The following ZNF738 variants were observed in gnomAD, a reference collection of about 807,000 sequenced individuals.
ZNF738 encodes protein ZNF738.
In ZNF738, 10 loss-of-function variants were observed where a neutral mutation model predicts 9.2. That is an observed-to-expected ratio of 1.09 (90% CI 0.67 to 1.85). The LOEUF is 1.85. Among genes scored for constraint, ZNF738 ranks in the 40% most tolerant of loss-of-function variants. The pLI, the probability that ZNF738 is intolerant of heterozygous loss-of-function variation, is 0.00. For missense variants in ZNF738, 346 were observed against 283.6 expected, an observed-to-expected ratio of 1.22 and a Z score of -1.58; for synonymous variants, 113 against 94.5, an observed-to-expected ratio of 1.20 and a Z score of -1.14.
chr19:21,366,599 C>T (rs1332606261), intron 2 of ZNF738, among the ~76,000 whole-genome samples: 2 of 152,038 alleles, frequency 1.3e-5, no homozygotes, highest in African/African-American at 2.4e-5. Flanking sequence ...GAATTCAGGG[C>T]AAGTCATAAA....
intron 4 of ZNF738, among the ~76,000 whole-genome samples, chr19:21,379,833 G>A (rs1407345317): frequency 2.0e-5 from 3 of 151,922 alleles, no homozygotes; most frequent in Non-Finnish European, 2.9e-5. Context: ...TAAAACTACC[G>A]CTCTAGGTTT....
At chr19:21,369,875 AT>A (rs1973834983) in intron 2 of ZNF738, among the ~76,000 whole-genome samples, 1 of 150,040 alleles carries the variant, frequency 6.7e-6, no homozygotes, top group Non-Finnish European at 1.5e-5. Flanking sequence ...GTGCTATGGC[AT>A]GATCTCAGCT....
rs1599717260 is a variant in ZNF738 at position 21,375,818 on chromosome 19, G to A, written c.224-51G>A. On this transcript the variant is annotated intron_variant, in intron 3 of 4. Transcript: ENST00000683779. ...CTTTACTAAGCACAGTAATAGGTAGGTAATTAGAGAATATGAGCAAGATTC... is the reference window on the plus strand; with the variant it reads ...CTTTACTAAGCACAGTAATAGGTAGATAATTAGAGAATATGAGCAAGATTC... 7 of 753,062 alleles carry A rather than the reference G, an allele frequency of 9.3e-6. No individual in the cohort carries two copies. In the East Asian group the frequency reaches 1.7e-4, roughly 19 times the overall value. 46.6% of individuals were successfully genotyped at this position (753,062 alleles called of 1,614,324 possible). A position where few individuals can be genotyped will look rare whatever the true frequency, so the allele number is the denominator to read the frequency against.
At chr19:21,377,533 C>A (rs1189965697) in intron 4 of ZNF738, 7 of 554,174 alleles carry the variant, frequency 1.3e-5, no homozygotes, top group South Asian at 9.4e-5. Context: ...CACACACACA[C>A]AAAATTTGTC....
intron 2 of ZNF738, among the ~76,000 whole-genome samples, chr19:21,369,531 A>C (rs1973828982): frequency 6.6e-6 from 1 of 152,180 alleles, no homozygotes; most frequent in African/African-American, 2.4e-5. Flanking sequence ...TTAAGTCTTC[A>C]ATTCAGGTTG....
At chr19:21,371,833 C>A (rs1315164156) in intron 2 of ZNF738, 1 of 151,968 alleles carries the variant, frequency 6.6e-6, no homozygotes, top group Non-Finnish European at 1.5e-5. Flanking sequence ...ATAAAATTAT[C>A]CTAGAAAACT....
Position 21,386,315 on chromosome 19 carries a change from A to G in ZNF738, c.*2641A>G. ...TAATCCTCAACCCTTACTACACATA[A>G]GATAATTAATGCTGGAGGGAAATCC... On this transcript the variant is annotated 3_prime_UTR_variant, in exon 5 of 5. Transcript: ENST00000683779. The G allele has an allele frequency of 1.0e-5, 3 of 301,214 alleles. No homozygotes were observed. The highest frequency in any genetic ancestry group is 2.0e-5 in the Non-Finnish European group (3 of 147,572). 18.7% of individuals were successfully genotyped at this position (301,214 alleles called of 1,614,324 possible).
At chr19:21,364,380 G>A (rs1302278455) in intron 2 of ZNF738, among the ~76,000 whole-genome samples, 1 of 151,970 alleles carries the variant, frequency 6.6e-6, no homozygotes, top group Admixed American at 6.6e-5. Context: ...ATCAGAGAAT[G>A]TTTTATCCTG....
chr19:21,375,843 C>T lies in ZNF738; in HGVS notation c.224-26C>T, dbSNP rs1973920422. 3 of 772,610 alleles carry T rather than the reference C, an allele frequency of 3.9e-6. No individual in the cohort carries two copies. In the Admixed American group the frequency reaches 5.2e-5, roughly 13 times the overall value. The allele number at this position is 772,610 out of a possible 1,614,324, so 47.9% of individuals were successfully genotyped here. ...GTAATTAGAGAATATGAGCAAGATT[C>T]ATGTTATTTATTTTTAATAAATCAG... On this transcript the variant is annotated intron_variant, in intron 3 of 4. Coordinates refer to ENST00000683779, the MANE Select transcript of ZNF738 (RefSeq NM_001355237.2).
At chr19:21,377,652 G>T in intron 4 of ZNF738, 1 of 458,900 alleles carries the variant, frequency 2.2e-6, no homozygotes, top group Non-Finnish European at 3.8e-6. Flanking sequence ...GACTTAAGAT[G>T]TGGCTTTTGT....
chr19:21,375,181 A>G (rs565667750), intron 2 of ZNF738, 57 bp from the exon 3 acceptor site: 5 of 858,028 alleles, frequency 5.8e-6, no homozygotes, highest in Non-Finnish European at 8.9e-6. Context: ...CTTAATTCAA[A>G]TGATAAATTC....
chr19:21,386,776 T>C lies in ZNF738; in HGVS notation c.*3102T>C, dbSNP rs1375173254. 2 of 173,346 alleles carry C rather than the reference T, an allele frequency of 1.2e-5. No homozygotes were observed. Among genetic ancestry groups the C allele is most frequent in the African/African-American group, 2.4e-5 (1 of 41,746 alleles). 10.7% of individuals were successfully genotyped at this position (173,346 alleles called of 1,614,324 possible). ...CCAAGGCTGCAATACTGTGGCATGA[T>C]TTCAGCTCACTGCAACCTCCGTCTC... On this transcript the variant is annotated 3_prime_UTR_variant, in exon 5 of 5. Coordinates refer to ENST00000683779, the MANE Select transcript of ZNF738 (RefSeq NM_001355237.2).
At chr19:21,362,617 T>G (rs1226222181) in intron 2 of ZNF738, among the ~76,000 whole-genome samples, 1 of 152,174 alleles carries the variant, frequency 6.6e-6, no homozygotes, top group African/African-American at 2.4e-5. Flanking sequence ...TTTTCACCTG[T>G]TTTTTAGCTG....
intron 3 of ZNF738, 44 bp from the exon 4 acceptor site, chr19:21,375,825 G>C: frequency 1.3e-6 from 1 of 759,180 alleles, no homozygotes; most frequent in Non-Finnish European, 2.4e-6. Context: ...TAGGTAATTA[G>C]AGAATATGAG....
chr19:21,374,992 G>C (rs566094047), intron 2 of ZNF738, among the ~76,000 whole-genome samples: 1 of 151,948 alleles, frequency 6.6e-6, no homozygotes, highest in Non-Finnish European at 1.5e-5. Flanking sequence ...CATGCCTTTC[G>C]TTTTTATACT....
chr19:21,371,400 C>G (rs1011827580), intron 2 of ZNF738, among the ~76,000 whole-genome samples: 2 of 152,190 alleles, frequency 1.3e-5, no homozygotes, highest in Non-Finnish European at 2.9e-5. Flanking sequence ...ATGTTTCTGT[C>G]TCGTTGTAAG....
rs988445032 is a variant in ZNF738, at chr19:21,364,571, A to T, written c.96+2713A>T. 3.3e-5 allele frequency among the ~76,000 whole-genome samples: 5 copies of T among 152,292 alleles called. No individual in the cohort carries two copies. In the East Asian group the frequency reaches 9.7e-4, roughly 29 times the overall value. On this transcript the variant is annotated intron_variant, in intron 2 of 4. Transcript: ENST00000683779. Reference sequence around the variant, plus strand: ...AAGTTTTTACCAAAAAAGGGTCCCAATCCAAACCCCAAGAGAGGGTCCTTG... The same window carrying T: ...AAGTTTTTACCAAAAAAGGGTCCCATTCCAAACCCCAAGAGAGGGTCCTTG...
rs1017433906 is a variant in ZNF738 at position 21,386,761 on chromosome 19, A to G, written c.*3087A>G. On this transcript the variant is annotated 3_prime_UTR_variant, in exon 5 of 5. Transcript: ENST00000683779. ...GTTTCACTCTTGTTGCCAAGGCTGC[A>G]ATACTGTGGCATGATTTCAGCTCAC... 3 of 177,056 alleles carry G rather than the reference A, an allele frequency of 1.7e-5. No homozygotes were observed. Among genetic ancestry groups the G allele is most frequent in the African/African-American group, 7.2e-5 (3 of 41,834 alleles). 11.0% of individuals were successfully genotyped at this position (177,056 alleles called of 1,614,324 possible).
At chr19:21,379,495 G>C (rs1325153510) in intron 4 of ZNF738, among the ~76,000 whole-genome samples, 1 of 152,072 alleles carries the variant, frequency 6.6e-6, no homozygotes, top group Admixed American at 6.6e-5. Flanking sequence ...ATCACTCACT[G>C]CACCTGTTTT....
Sources: allele counts gnomAD v4.1 joint callset (sites outside exome capture counted in the v4.1 genomes callset), GRCh38; gene constraint gnomAD v4.1.1; transcripts MANE v1.5; gene names NCBI Gene and HGNC (gene_info 2026-07-23, HGNC 2026-07-21).